MTNAP1: variants seen among roughly 807,000 people sequenced by gnomAD.
MTNAP1 encodes the protein mitochondrial nucleoid-associated protein 1.
the MTNAP1 span, chr17:73,236,886 C>G: frequency 1.4e-5 from 23 of 1,613,970 alleles, no homozygotes; most frequent in Non-Finnish European, 1.9e-5. Flanking sequence ...TTCCAGAGCT[C>G]TATCCTGGTT....
chr17:73,238,026 A>G, the MTNAP1 span, among the ~76,000 whole-genome samples: 1 of 152,208 alleles, frequency 6.6e-6, no homozygotes, highest in African/African-American at 2.4e-5. Flanking sequence ...CGAAAGACTG[A>G]ACGTTGAAAC....
the MTNAP1 span, chr17:73,245,271 T>TA: frequency 6.5e-7 from 1 of 1,537,674 alleles, no homozygotes; most frequent in East Asian, 2.3e-5. Context: ...CTTAACAGTT[T>TA]AAAAATGTAT....
At chr17:73,245,398 G>A in the MTNAP1 span, 14 of 1,224,306 alleles carry the variant, frequency 1.1e-5, no homozygotes, top group Admixed American at 4.2e-5. Context: ...GTTCTGTCTG[G>A]ATGTTCTTGG....
the MTNAP1 span, chr17:73,242,440 G>A: frequency 3.6e-6 from 3 of 831,252 alleles, no homozygotes; most frequent in African/African-American, 1.8e-5. Context: ...AGGCTAAAGA[G>A]GAGAGGAAAA....
the MTNAP1 span, chr17:73,236,523 A>G: frequency 1.1e-5 from 18 of 1,614,222 alleles, no homozygotes; most frequent in African/African-American, 2.1e-4. Context: ...AGGAGTCTCA[A>G]GGGGAAAGAC....
chr17:73,248,054 A>C, the MTNAP1 span: 3 of 159,044 alleles, frequency 1.9e-5, no homozygotes, highest in African/African-American at 7.2e-5. Context: ...TCTGAGATTT[A>C]GATCTAAACA....
the MTNAP1 span, chr17:73,232,715 G>A: frequency 5.5e-6 from 1 of 181,052 alleles, no homozygotes; most frequent in Admixed American, 6.2e-5. Flanking sequence ...CAGGTCTTCC[G>A]AGGTGAGGAC....
chr17:73,236,925 G>C, the MTNAP1 span: 1 of 1,613,146 alleles, frequency 6.2e-7, no homozygotes, highest in Non-Finnish European at 8.5e-7. Context: ...TGCCAGGGAA[G>C]CCTCAGTGTT....
the MTNAP1 span, chr17:73,245,611 A>G: frequency 1.0e-6 from 1 of 985,424 alleles, no homozygotes; most frequent in Non-Finnish European, 1.2e-6. Context: ...AAGTATCTGA[A>G]TTGGCAGAAA....
At chr17:73,238,935 G>T in the MTNAP1 span, among the ~76,000 whole-genome samples, 2 of 151,638 alleles carry the variant, frequency 1.3e-5, no homozygotes, top group African/African-American at 4.9e-5. Context: ...GTGTGTGTGT[G>T]TTTTGTTTTT....
the MTNAP1 span, chr17:73,248,632 G>T: frequency 2.4e-6 from 3 of 1,254,494 alleles, no homozygotes; most frequent in African/African-American, 3.0e-5. Flanking sequence ...TGACACCCAG[G>T]CTACTGTCCA....
At chr17:73,237,061 A>G in the MTNAP1 span, 26 of 1,395,694 alleles carry the variant, frequency 1.9e-5, no homozygotes, top group South Asian at 2.9e-5. Flanking sequence ...TTTTGAATTT[A>G]TAAGGGTCAA....
At chr17:73,248,843 T>C in the MTNAP1 span, 1 of 319,138 alleles carries the variant, frequency 3.1e-6, no homozygotes, top group Non-Finnish European at 5.8e-6. Flanking sequence ...TTAAAATTTA[T>C]TTTAGCTGTT....
the MTNAP1 span, chr17:73,247,587 C>T: frequency 2.3e-6 from 1 of 429,996 alleles, no homozygotes; most frequent in Non-Finnish European, 4.2e-6. Flanking sequence ...TTTTATATCC[C>T]TGAAAATAAG....
the MTNAP1 span, chr17:73,245,885 C>A: frequency 4.4e-6 from 1 of 228,278 alleles, no homozygotes; most frequent in African/African-American, 2.3e-5. Flanking sequence ...CAGAATCCCA[C>A]CCCTATCTAT....
the MTNAP1 span, chr17:73,248,324 C>T: frequency 1.6e-6 from 1 of 641,132 alleles, no homozygotes; most frequent in Non-Finnish European, 2.8e-6. Flanking sequence ...GGTAACTACT[C>T]ATCTCTTCAC....
the MTNAP1 span, among the ~76,000 whole-genome samples, chr17:73,238,298 T>C: frequency 6.6e-6 from 1 of 151,968 alleles, no homozygotes; most frequent in Non-Finnish European, 1.5e-5. Flanking sequence ...TAAAGTAGCA[T>C]ACCTGTCGTG....
chr17:73,236,810 C>G, the MTNAP1 span: 9 of 1,613,990 alleles, frequency 5.6e-6, no homozygotes, highest in Admixed American at 1.7e-5. Flanking sequence ...CCTCAGAGCC[C>G]CTTCACCAAT....
chr17:73,236,489 A>C, the MTNAP1 span: 748 of 1,614,100 alleles, frequency 4.6e-4, no homozygotes, highest in Non-Finnish European at 6.2e-4. Flanking sequence ...GAGAACTTCA[A>C]CACCAGGGAT....
Sources: allele counts gnomAD v4.1 joint callset (sites outside exome capture counted in the v4.1 genomes callset), GRCh38; gene constraint gnomAD v4.1.1; transcripts MANE v1.5; gene names NCBI Gene and HGNC (gene_info 2026-07-23, HGNC 2026-07-21).